The following DISP3 variants were observed in gnomAD, a reference collection of about 807,000 sequenced individuals.
DISP3 encodes dispatched RND transporter family member 3.
DISP3 carries 101 observed loss-of-function variants against 135.3 expected under a neutral mutation model. The observed-to-expected ratio is 0.75, with a 90% CI of 0.64 to 0.88. The LOEUF (loss-of-function observed/expected upper bound fraction) is 0.88. Ranked by LOEUF, DISP3 falls within the 40% of genes least tolerant of loss-of-function variation. The pLI, the probability that DISP3 is intolerant of heterozygous loss-of-function variation, is 0.00. For synonymous variants in DISP3, 856 were observed against 817.0 expected (o/e 1.05, Z -0.81); for missense variants, 1,713 against 1,878.6 (o/e 0.91, Z 1.63).
chr1:11,522,849 G>A (rs1380806328), intron 10 of DISP3, among the ~76,000 whole-genome samples: 142 of 17,778 alleles, frequency 8.0e-3, no homozygotes, highest in South Asian at 0.014. Flanking sequence ...CCCAGCCAGA[G>A]CCCAGCCAGG....
chr1:11,501,570 A>T lies in DISP3; in HGVS notation c.578A>T (p.Gln193Leu). The change falls in exon 2 of 21, where the codon CAA becomes CTA. Residue 193 changes from glutamine to leucine, a missense_variant. Gln to Leu is a moderately radical substitution (Grantham distance 113, BLOSUM62 -2). Transcript: ENST00000294484. This position sits in a 1 kb window ranked among gnomAD's most constrained non-coding sequence, Gnocchi z 4.9. ...CCTTACCGGGACACTTCCGCGGCTC[A>T]AAAGCCCACAGCCAATCGGAGCGGG... The part of the protein sequence containing the change: ...PGPYRDTSAA[Q>L]KPTANRSGRL... 1 of 1,589,280 alleles carries T rather than the reference A, an allele frequency of 6.3e-7. No individual in the cohort carries two copies. Among genetic ancestry groups the T allele is most frequent in the Non-Finnish European group, 8.6e-7 (1 of 1,166,014 alleles).
At chr1:11,480,182 G>A (rs1475945252) in intron 1 of DISP3, among the ~76,000 whole-genome samples, 1 of 152,158 alleles carries the variant, frequency 6.6e-6, no homozygotes, top group African/African-American at 2.4e-5. Flanking sequence ...TCTGCTCCAC[G>A]GCCGGCGCCA....
At chr1:11,498,968 C>T (rs1021729933) in intron 1 of DISP3, among the ~76,000 whole-genome samples, 6 of 152,164 alleles carry the variant, frequency 3.9e-5, no homozygotes, top group African/African-American at 1.2e-4. Context: ...CTCCCTTCCC[C>T]GCAGTAATTT....
At chr1:11,532,870 T>C (rs1416372565) in intron 17 of DISP3, among the ~76,000 whole-genome samples, 2 of 151,994 alleles carry the variant, frequency 1.3e-5, no homozygotes, top group Non-Finnish European at 2.9e-5. Flanking sequence ...GCTAATTTTT[T>C]TAATTTTTAT....
At chr1:11,522,728 G>GCCCAGCCAGGA (rs1642259660) in intron 10 of DISP3, among the ~76,000 whole-genome samples, 1 of 25,590 alleles carries the variant, frequency 3.9e-5, no homozygotes, top group Non-Finnish European at 7.9e-5. Context: ...CCCAGCCAGG[G>GCCCAGCCAGGA]CCCAGCCAGG....
intron 3 of DISP3, among the ~76,000 whole-genome samples, chr1:11,508,711 C>T (rs762666248): frequency 1.3e-5 from 2 of 152,028 alleles, no homozygotes; most frequent in Non-Finnish European, 2.9e-5. Context: ...TCAATAGAGG[C>T]CTGCAATGTG....
rs760181161 is a variant in DISP3, at chr1:11,535,597, G to A, written c.3769G>A (p.Glu1257Lys). The A allele has an allele frequency of 1.3e-5, 21 of 1,613,242 alleles. No individual in the cohort carries two copies. Among genetic ancestry groups the A allele is most frequent in the Admixed American group, 1.0e-4 (6 of 59,978 alleles). The stretch of plus-strand genomic sequence containing the variant: ...CGTGGATTACTGCGTCCACCTGGTC[G>A]AGGGCTACCTGCTGGCTGGAGAGAA... ...SSVDYCVHLVEGYLLAGENLP... is the reference protein window; with the variant it reads ...SSVDYCVHLVKGYLLAGENLP... The change falls in exon 20 of 21, where the codon GAG becomes AAG. Residue 1257 changes from glutamate to lysine, a missense_variant. Coordinates refer to ENST00000294484, the MANE Select transcript of DISP3 (RefSeq NM_020780.2).
rs777978483 is a variant in DISP3 at position 11,499,116 on chromosome 1, C to T, written c.-3-1874C>T. 3.2e-4 allele frequency among the ~76,000 whole-genome samples: 49 copies of T among 152,082 alleles called. No homozygotes were observed. Among genetic ancestry groups the T allele is most frequent in the African/African-American group, 9.9e-4 (41 of 41,400 alleles). Reference sequence around the variant, plus strand: ...GAATTCAATGTGGACCCCTAGGGGACGGGGATGGCATTCCTGGTGGAATAG... The same window carrying T: ...GAATTCAATGTGGACCCCTAGGGGATGGGGATGGCATTCCTGGTGGAATAG... On this transcript the variant is annotated intron_variant, in intron 1 of 20. Transcript: ENST00000294484. The surrounding 1 kb of genome is among the most constrained non-coding windows in gnomAD (Gnocchi z 5.2).
At chr1:11,535,336 C>A in intron 19 of DISP3, 142 bp from the exon 20 acceptor site, 1 of 1,220,402 alleles carries the variant, frequency 8.2e-7, no homozygotes, top group Non-Finnish European at 1.1e-6. Flanking sequence ...GTTACTGCAC[C>A]TGTCCCCTCC....
intron 3 of DISP3, 32 bp downstream of exon 3, chr1:11,502,929 T>C (rs1018890929): frequency 1.3e-6 from 2 of 1,547,852 alleles, no homozygotes; most frequent in African/African-American, 2.7e-5. Flanking sequence ...TGTGTGTGCA[T>C]GCCCATTTTT....
intron 3 of DISP3, among the ~76,000 whole-genome samples, chr1:11,513,233 A>G (rs1262389373): frequency 6.6e-6 from 1 of 152,200 alleles, no homozygotes; most frequent in Non-Finnish European, 1.5e-5. Context: ...ATAGTGAGCT[A>G]TGATCATGCC....
At chr1:11,535,847 T>C (rs748615303) in intron 20 of DISP3, among the ~76,000 whole-genome samples, 3 of 152,110 alleles carry the variant, frequency 2.0e-5, no homozygotes, top group Non-Finnish European at 4.4e-5. Flanking sequence ...CCAGCCTCAG[T>C]CTTCCCAAGT....
At chr1:11,535,889 T>C (rs1179074182) in intron 20 of DISP3, among the ~76,000 whole-genome samples, 1 of 152,040 alleles carries the variant, frequency 6.6e-6, no homozygotes, top group Non-Finnish European at 1.5e-5. Context: ...GACGCAGGAT[T>C]CCAAGGGGGC....
In DISP3 at chr1:11,520,919, A is replaced by G; in HGVS notation, c.2362+71A>G. 6.8e-7 allele frequency: 1 copy of G among 1,478,710 alleles called. No individual in the cohort carries two copies. Among genetic ancestry groups the G allele is most frequent in the Non-Finnish European group, 9.1e-7 (1 of 1,100,422 alleles). 91.6% of individuals were successfully genotyped at this position (1,478,710 alleles called of 1,614,324 possible). A position where few individuals can be genotyped will look rare whatever the true frequency, so the allele number is the denominator to read the frequency against. On this transcript the variant is annotated intron_variant, in intron 10 of 20. Transcript: ENST00000294484. This position sits in a 1 kb window ranked among gnomAD's most constrained non-coding sequence, Gnocchi z 4.8. Reference sequence around the variant, plus strand: ...GTCCCAAAGACTGTTGGTCTGAGAGATGCAGGATCCAGGGTCCCCATCAAT... The same window carrying G: ...GTCCCAAAGACTGTTGGTCTGAGAGGTGCAGGATCCAGGGTCCCCATCAAT...
chr1:11,518,102 A>G (rs1473736297), intron 7 of DISP3, among the ~76,000 whole-genome samples: 3 of 152,046 alleles, frequency 2.0e-5, no homozygotes, highest in Non-Finnish European at 2.9e-5. Flanking sequence ...AGGGGGAAAG[A>G]CCTTGTGGGC....
chr1:11,488,305 T>C (rs1283144306), intron 1 of DISP3, among the ~76,000 whole-genome samples: 3 of 151,762 alleles, frequency 2.0e-5, no homozygotes, highest in Non-Finnish European at 4.4e-5. Context: ...GTGGAGGGGG[T>C]GCTGAGGCTG....
intron 10 of DISP3, 44 bp from the exon 11 acceptor site, chr1:11,523,898 A>G (rs747881475): frequency 2.0e-6 from 3 of 1,528,984 alleles, no homozygotes; most frequent in African/African-American, 2.7e-5. Flanking sequence ...CCAGGCCAGG[A>G]TGTCCTGCTG....
rs1642716723 is a variant in DISP3 at position 11,536,775 on chromosome 1, C to A, written c.*89C>A. 1 of 1,430,500 alleles carries A rather than the reference C, an allele frequency of 7.0e-7. No homozygotes were observed. Among genetic ancestry groups the A allele is most frequent in the Non-Finnish European group, 9.2e-7 (1 of 1,092,820 alleles). 88.6% of individuals were successfully genotyped at this position (1,430,500 alleles called of 1,614,324 possible). A position where few individuals can be genotyped will look rare whatever the true frequency, so the allele number is the denominator to read the frequency against. On this transcript the variant is annotated 3_prime_UTR_variant, in exon 21 of 21. Transcript: ENST00000294484. This position sits in a 1 kb window ranked among gnomAD's most constrained non-coding sequence, Gnocchi z 4.3. ...CAGCTCGACTTCAGCTAGCTGTGTC[C>A]CCAGGCCTGGGCCCAGGGCGCCCTG... is the stretch of plus-strand genomic sequence containing the variant.
chr1:11,484,113 C>T (rs1640974032), intron 1 of DISP3, among the ~76,000 whole-genome samples: 1 of 152,214 alleles, frequency 6.6e-6, no homozygotes, highest in Non-Finnish European at 1.5e-5. Flanking sequence ...CAGTCCTCTC[C>T]GCTGCACCCC....
Sources: allele counts gnomAD v4.1 joint callset (sites outside exome capture counted in the v4.1 genomes callset), GRCh38; gene constraint gnomAD v4.1.1; non-coding constraint Gnocchi (gnomAD v3.1); transcripts MANE v1.5; gene names NCBI Gene and HGNC (gene_info 2026-07-23, HGNC 2026-07-21).